Variants in MACROD2 observed in about 807,000 individuals in gnomAD.
The protein encoded by MACROD2 is ADP-ribose glycohydrolase MACROD2.
MACROD2 carries 36 observed loss-of-function variants against 70.4 expected under a neutral mutation model. The ratio of observed to expected loss-of-function variants is 0.51; its 90% CI spans 0.39 to 0.68. The LOEUF is 0.68. MACROD2 is among the 30% of genes least tolerant of loss of function. MACROD2 has a pLI of 0.00. For missense variants in MACROD2, 496 were observed against 538.4 expected, an observed-to-expected ratio of 0.92 and a Z score of 0.78; for synonymous variants, 172 against 178.8, an observed-to-expected ratio of 0.96 and a Z score of 0.30.
Position 15,561,279 on chromosome 20 carries a change from G to A in MACROD2, c.645+61432G>A, listed in dbSNP as rs996733669. 7.9e-5 allele frequency among the ~76,000 whole-genome samples: 12 copies of A among 152,284 alleles called. No homozygotes were observed. In the East Asian group the frequency reaches 1.5e-3, roughly 20 times the overall value. ...CATGAATTATGCAATTAGCTTTCTC[G>A]CTTTCCAGCAGCATATGCAAAGTGA... On this transcript the variant is annotated intron_variant, in intron 8 of 17. Transcript: ENST00000684519.
chr20:15,108,151 C>T (rs779280993), intron 5 of MACROD2, among the ~76,000 whole-genome samples: 2 of 152,098 alleles, frequency 1.3e-5, no homozygotes, highest in South Asian at 4.1e-4. Context: ...GGGTAAGTCA[C>T]TTAACTTCCC....
At chr20:14,123,415 C>A (rs934326508) in intron 3 of MACROD2, among the ~76,000 whole-genome samples, 1 of 152,118 alleles carries the variant, frequency 6.6e-6, no homozygotes, top group Non-Finnish European at 1.5e-5. Context: ...GCTGAAGGAG[C>A]CTCACCTTCA....
At chr20:15,987,240 C>T (rs571811158) in intron 15 of MACROD2, 82 bp downstream of exon 15, 1 of 1,130,934 alleles carries the variant, frequency 8.8e-7, no homozygotes, top group South Asian at 1.4e-5. Context: ...CAAAGTTATT[C>T]TCATGCAATT....
intron 8 of MACROD2, among the ~76,000 whole-genome samples, chr20:15,788,823 G>A (rs757877884): frequency 5.9e-5 from 9 of 152,254 alleles, no homozygotes; most frequent in East Asian, 1.9e-4. Context: ...TTATGAGGGC[G>A]TTTTAAACCC....
rs148642301 is a variant in MACROD2 at position 14,622,507 on chromosome 20, A to G, written c.302-62336A>G. Reference sequence around the variant, plus strand: ...AATCTAATGTTTAACTCCAAGACACAAAAGAGTTGTTAGAGTTTGAGCTTA... The same window carrying G: ...AATCTAATGTTTAACTCCAAGACACGAAAGAGTTGTTAGAGTTTGAGCTTA... On this transcript the variant is annotated intron_variant, in intron 4 of 17. Coordinates refer to ENST00000684519, the MANE Select transcript of MACROD2 (RefSeq NM_001351661.2). 2.2e-3 allele frequency among the ~76,000 whole-genome samples: 328 copies of G among 152,314 alleles called. 5 individuals carry two copies. The highest frequency in any genetic ancestry group is 2.0e-3 in the Non-Finnish European group (139 of 68,022).
chr20:14,281,676 C>G lies in MACROD2; in HGVS notation c.271+195948C>G, dbSNP rs371094486. Among the ~76,000 whole-genome samples the G allele has an allele frequency of 2.5e-4, 38 of 152,016 alleles. 1 individual carries two copies. The East Asian group carries it at 3.3e-3, about 13-fold the overall frequency. On this transcript the variant is annotated intron_variant, in intron 3 of 17. Coordinates refer to ENST00000684519, the MANE Select transcript of MACROD2 (RefSeq NM_001351661.2). ...AAGCAGCCAGGCGCAGTGGCTTATG[C>G]CTGTAATCCCAGCACTTTGGGAGGA... is the stretch of plus-strand genomic sequence containing the variant.
intron 7 of MACROD2, among the ~76,000 whole-genome samples, chr20:15,474,738 G>A (rs970972054): frequency 2.0e-5 from 3 of 152,192 alleles, no homozygotes; most frequent in Non-Finnish European, 4.4e-5. Context: ...AGAGAAAGTA[G>A]TTCGTTCTTA....
chr20:15,917,221 A>G (rs2065332578), intron 10 of MACROD2, among the ~76,000 whole-genome samples: 1 of 152,206 alleles, frequency 6.6e-6, no homozygotes, highest in Non-Finnish European at 1.5e-5. Flanking sequence ...CTTACTTCAG[A>G]CAAAGAGCTG....
chr20:15,010,269 T>C (rs1224550227), intron 5 of MACROD2, among the ~76,000 whole-genome samples: 10 of 152,212 alleles, frequency 6.6e-5, no homozygotes, highest in Admixed American at 6.5e-4. Context: ...AAAAGTGTAA[T>C]GCACCATGCC....
intron 5 of MACROD2, among the ~76,000 whole-genome samples, chr20:15,069,432 G>A (rs544795894): frequency 1.3e-5 from 2 of 152,194 alleles, no homozygotes; most frequent in Non-Finnish European, 2.9e-5. Flanking sequence ...AGGGAGCCAA[G>A]TGCTAATATT....
At chr20:15,121,561 G>A (rs758293099) in intron 5 of MACROD2, among the ~76,000 whole-genome samples, 7 of 151,600 alleles carry the variant, frequency 4.6e-5, no homozygotes, top group African/African-American at 1.2e-4. Context: ...CTAAGGAGAC[G>A]GGTAGGTCAG....
chr20:14,338,672 C>G (rs2122653446), intron 3 of MACROD2, among the ~76,000 whole-genome samples: 3 of 151,992 alleles, frequency 2.0e-5, no homozygotes, highest in Non-Finnish European at 4.4e-5. Context: ...ATATAAACAT[C>G]TTAAGAAAAA....
chr20:15,355,832 C>T (rs1440204122), intron 6 of MACROD2, among the ~76,000 whole-genome samples: 1 of 152,204 alleles, frequency 6.6e-6, no homozygotes, highest in African/African-American at 2.4e-5. Context: ...AAGTCCCTTT[C>T]AGGAATTAGG....
intron 5 of MACROD2, among the ~76,000 whole-genome samples, chr20:15,105,247 T>C (rs1195316710): frequency 6.6e-6 from 1 of 152,132 alleles, no homozygotes; most frequent in Non-Finnish European, 1.5e-5. Flanking sequence ...TATTTGTAAA[T>C]GGTTGTCCCT....
At chr20:15,001,168 T>C (rs1193726623) in intron 5 of MACROD2, among the ~76,000 whole-genome samples, 1 of 152,124 alleles carries the variant, frequency 6.6e-6, no homozygotes, top group Middle Eastern at 3.2e-3. Flanking sequence ...AAAATGGCTG[T>C]TTGGGAAATG....
At chr20:15,275,707 A>C (rs574435609) in intron 6 of MACROD2, among the ~76,000 whole-genome samples, 2 of 152,288 alleles carry the variant, frequency 1.3e-5, no homozygotes, top group East Asian at 3.9e-4. Flanking sequence ...AGATTTACAA[A>C]GAGAAGAAGC....
intron 5 of MACROD2, among the ~76,000 whole-genome samples, chr20:14,938,122 T>C (rs948836753): frequency 2.0e-5 from 3 of 152,124 alleles, no homozygotes; most frequent in Non-Finnish European, 4.4e-5. Context: ...ATTCCATATT[T>C]TGGCTCTTGT....
chr20:15,414,482 C>T (rs759965057), intron 6 of MACROD2, among the ~76,000 whole-genome samples: 17 of 152,092 alleles, frequency 1.1e-4, no homozygotes, highest in African/African-American at 2.9e-4. Context: ...AGGTAGAAAC[C>T]GATAAAATTG....
At chr20:14,178,763 A>C (rs1014331334) in intron 3 of MACROD2, among the ~76,000 whole-genome samples, 7 of 120,752 alleles carry the variant, frequency 5.8e-5, no homozygotes, top group Non-Finnish European at 1.1e-4. Context: ...CGTAGTGAGG[A>C]GTCATCTAGA....
Sources: gnomAD v4.1 joint callset for allele counts (sites outside exome capture counted in the v4.1 genomes callset) on GRCh38, gnomAD v4.1.1 for gene constraint, MANE v1.5 for transcripts, NCBI Gene and HGNC (gene_info 2026-07-23, HGNC 2026-07-21) for gene names.